PRH1: variants seen among roughly 807,000 people sequenced by gnomAD.
PRH1 encodes salivary acidic proline-rich phosphoprotein 1/2.
PRH1 carries 7 observed loss-of-function variants against 7.9 expected under a neutral mutation model. The observed-to-expected ratio is 0.89, with a 90% confidence interval of 0.50 to 1.67. The LOEUF is 1.67. PRH1 is among the 40% of genes most tolerant of loss of function. PRH1 has a pLI of 0.00. For synonymous variants in PRH1, 45 were observed against 80.8 expected, an observed-to-expected ratio of 0.56 and a Z score of 2.38; for missense variants, 109 against 223.6, an observed-to-expected ratio of 0.49 and a Z score of 3.27.
chr12:11,093,319 C>A lies in PRH1; in HGVS notation n.124-46131G>T, dbSNP rs866294765. Among the ~76,000 whole-genome samples, 25 of 116,246 alleles carry A rather than the reference C, an allele frequency of 2.2e-4. 9 individuals are homozygous for A. The highest frequency in any genetic ancestry group is 1.2e-3 in the Admixed American group (14 of 11,518). The allele number at this position is 116,246 out of a possible 152,430, so 76.3% of individuals were successfully genotyped here. On this transcript the variant is annotated intron_variant and non_coding_transcript_variant, in intron 1 of 4. Transcript: ENST00000541977. Reference sequence around the variant, plus strand: ...TCTTGAGAACCACAGGCAGGCCAATCCTCCATAAGATCTGGTTGCTGCTAA... The same window carrying A: ...TCTTGAGAACCACAGGCAGGCCAATACTCCATAAGATCTGGTTGCTGCTAA...
At chr12:10,985,202 GTTTC>G (rs1462870561) in intron 1 of PRH1, among the ~76,000 whole-genome samples, 1 of 151,892 alleles carries the variant, frequency 6.6e-6, no homozygotes, top group Non-Finnish European at 1.5e-5. Flanking sequence ...TCATCACGGT[GTTTC>G]TTTCTTCATC....
At position 11,099,403 on chromosome 12, in the gene PRH1, C is replaced by G. The variant is rs187636254; in HGVS notation, n.124-52215G>C. On this transcript the variant is annotated intron_variant and non_coding_transcript_variant, in intron 1 of 4. Transcript: ENST00000541977. ...GCCGAATTTGGCCCATCTCAAATCA[C>G]CAGAGCCATCCATCAAACCCAGCTT... Among the ~76,000 whole-genome samples, 101 of 152,162 alleles carry G rather than the reference C, an allele frequency of 6.6e-4. 2 individuals carry two copies. In the East Asian group the frequency reaches 0.017, roughly 26 times the overall value.
intron 1 of PRH1, among the ~76,000 whole-genome samples, chr12:11,070,316 A>T (rs1428171176): frequency 6.6e-6 from 1 of 152,282 alleles, no homozygotes; most frequent in South Asian, 2.1e-4. Context: ...GCCTCAGGCA[A>T]GCATGTGTAC....
chr12:11,153,775 A>C (rs954925737), intron 1 of PRH1, among the ~76,000 whole-genome samples: 1 of 152,218 alleles, frequency 6.6e-6, no homozygotes, highest in African/African-American at 2.4e-5. Flanking sequence ...TCAGACCAAA[A>C]GACTTGTAAG....
chr12:11,116,847 G>C (rs1317850587), downstream of PRH1, among the ~76,000 whole-genome samples: 1 of 151,954 alleles, frequency 6.6e-6, no homozygotes, highest in African/African-American at 2.4e-5. Context: ...AATTAATGCT[G>C]AAAAAGCATT....
At chr12:11,033,366 A>AAAAAC (rs77949516) in intron 1 of PRH1, among the ~76,000 whole-genome samples, 4,174 of 151,176 alleles carry the variant, frequency 0.028, 75 homozygotes, top group African/African-American at 0.044. Flanking sequence ...GACTCTGTCA[A>AAAAAC]AAAACAAAAC....
At chr12:11,015,531 T>C (rs569077456) in intron 1 of PRH1, among the ~76,000 whole-genome samples, 94 of 152,272 alleles carry the variant, frequency 6.2e-4, no homozygotes, top group African/African-American at 2.2e-3. Flanking sequence ...TCGTACCAAA[T>C]TGCCTCCAGT....
chr12:10,922,298 A>G (rs11054077), intron 2 of PRH1, among the ~76,000 whole-genome samples: 71,272 of 151,954 alleles, frequency 0.47, 18,237 homozygotes, highest in African/African-American at 0.68. Flanking sequence ...TTTTTATAAA[A>G]CATGTACTAA....
intron 1 of PRH1, among the ~76,000 whole-genome samples, chr12:11,070,842 G>GAT (rs112807916): frequency 0.57 from 66,064 of 116,402 alleles, 15,306 homozygotes; most frequent in Non-Finnish European, 0.65. Flanking sequence ...ATTTGCGTTG[G>GAT]CTTTTTCAGA....
chr12:11,125,386 CTTCAT>C (rs1303283618), intron 1 of PRH1, among the ~76,000 whole-genome samples: 14 of 152,248 alleles, frequency 9.2e-5, no homozygotes, highest in African/African-American at 3.4e-4. Flanking sequence ...AGTGAATAAG[CTTCAT>C]TTCATCTTTT....
chr12:10,887,361 C>A (rs1474604411), upstream of PRH1, among the ~76,000 whole-genome samples: 1 of 152,054 alleles, frequency 6.6e-6, no homozygotes, highest in Non-Finnish European at 1.5e-5. Context: ...ATACAGTTAG[C>A]AAATAAACAC....
intron 1 of PRH1, among the ~76,000 whole-genome samples, chr12:11,001,127 C>A (rs1940571783): frequency 6.6e-6 from 1 of 151,838 alleles, no homozygotes; most frequent in South Asian, 2.1e-4. Context: ...GTTGGAAGAA[C>A]CTGGAAATTG....
intron 1 of PRH1, among the ~76,000 whole-genome samples, chr12:11,166,583 T>C (rs1251975549): frequency 6.6e-6 from 1 of 152,182 alleles, no homozygotes; most frequent in East Asian, 1.9e-4. Flanking sequence ...TTTTCTTGCC[T>C]GTCCCCTAGC....
At chr12:11,130,830 A>G (rs1946319885) in intron 1 of PRH1, among the ~76,000 whole-genome samples, 4 of 152,158 alleles carry the variant, frequency 2.6e-5, no homozygotes, top group Admixed American at 6.5e-5. Flanking sequence ...AAGCCCCTAT[A>G]AGCACAAAAC....
At chr12:10,977,128 G>A (rs938528667) in intron 1 of PRH1, among the ~76,000 whole-genome samples, 4 of 152,010 alleles carry the variant, frequency 2.6e-5, no homozygotes, top group Admixed American at 1.3e-4. Context: ...GAAAACTTCA[G>A]ACCAATATCC....
intron 2 of PRH1, among the ~76,000 whole-genome samples, chr12:10,925,940 G>GT (rs1412708263): frequency 6.6e-6 from 1 of 152,092 alleles, no homozygotes; most frequent in Non-Finnish European, 1.5e-5. Context: ...ACAATCATAT[G>GT]TCCCTAATAT....
At chr12:11,098,987 T>C (rs1195941529) in intron 1 of PRH1, among the ~76,000 whole-genome samples, 1 of 152,142 alleles carries the variant, frequency 6.6e-6, no homozygotes, top group African/African-American at 2.4e-5. Flanking sequence ...ATCAAACATA[T>C]CTCTAATTCT....
At chr12:11,152,265 A>C (rs1042743815) in intron 1 of PRH1, among the ~76,000 whole-genome samples, 1 of 120,354 alleles carries the variant, frequency 8.3e-6, no homozygotes, top group Non-Finnish European at 1.6e-5. Flanking sequence ...CCGGTGTGTG[A>C]TGTTTATTAT....
At chr12:11,145,675 G>A (rs1171814512) in intron 1 of PRH1, among the ~76,000 whole-genome samples, 1 of 152,116 alleles carries the variant, frequency 6.6e-6, no homozygotes, top group African/African-American at 2.4e-5. Flanking sequence ...TACTAACAGA[G>A]TATACAGAAA....
Sources: gnomAD v4.1 joint callset for allele counts (sites outside exome capture counted in the v4.1 genomes callset) on GRCh38, gnomAD v4.1.1 for gene constraint, MANE v1.5 for transcripts, NCBI Gene and HGNC (gene_info 2026-07-23, HGNC 2026-07-21) for gene names.